Variants in FAF1 observed in about 807,000 individuals in gnomAD.
The protein encoded by FAF1 is Fas associated factor 1, also known as FAS-associated factor 1.
Under a neutral mutation model 92.5 loss-of-function variants are expected in FAF1, and 25 were observed. The observed-to-expected ratio is 0.27, with a 90% CI of 0.20 to 0.38. The LOEUF is 0.38. Ranked by LOEUF, FAF1 falls within the 10% of genes least tolerant of loss-of-function variation. FAF1 has a pLI of 1.00. For synonymous variants in FAF1, 234 were observed against 273.2 expected (o/e 0.86, Z 1.42); for missense variants, 636 against 793.3 (o/e 0.80, Z 2.38).
chr1:50,910,075 T>G (rs1644872417), intron 1 of FAF1, among the ~76,000 whole-genome samples: 1 of 152,234 alleles, frequency 6.6e-6, no homozygotes. Context: ...TGGATGTCCT[T>G]TCTGTTTGTT....
chr1:50,528,900 C>T (rs1240498352), intron 15 of FAF1, among the ~76,000 whole-genome samples: 1 of 152,154 alleles, frequency 6.6e-6, no homozygotes, highest in Non-Finnish European at 1.5e-5. Context: ...AATGAAGAGG[C>T]AATACATTTC....
chr1:50,545,360 C>T (rs756967477), intron 13 of FAF1, among the ~76,000 whole-genome samples: 26 of 152,172 alleles, frequency 1.7e-4, no homozygotes, highest in African/African-American at 4.8e-4. Flanking sequence ...CTGCAACCTC[C>T]GCCTCCCGAG....
intron 12 of FAF1, among the ~76,000 whole-genome samples, chr1:50,572,574 A>T (rs1260880609): frequency 6.6e-6 from 1 of 152,242 alleles, no homozygotes; most frequent in Non-Finnish European, 1.5e-5. Flanking sequence ...TCATGACTCA[A>T]GATAAGTGCA....
At chr1:50,745,468 T>C (rs1289327266) in intron 4 of FAF1, among the ~76,000 whole-genome samples, 1 of 152,172 alleles carries the variant, frequency 6.6e-6, no homozygotes, top group Non-Finnish European at 1.5e-5. Flanking sequence ...AAATTGTAAT[T>C]CCCAGTGTTG....
At chr1:50,750,663 G>A (rs1245309199) in intron 4 of FAF1, among the ~76,000 whole-genome samples, 1 of 134,910 alleles carries the variant, frequency 7.4e-6, no homozygotes, top group Non-Finnish European at 1.6e-5. Flanking sequence ...TCTCTCTGTT[G>A]CCCAGGCTGG....
chr1:50,795,859 A>G (rs1353257865), intron 3 of FAF1, among the ~76,000 whole-genome samples: 1 of 152,192 alleles, frequency 6.6e-6, no homozygotes, highest in Non-Finnish European at 1.5e-5. Flanking sequence ...AGTACCGGAT[A>G]GAGTGACTGG....
intron 5 of FAF1, among the ~76,000 whole-genome samples, chr1:50,743,963 T>C (rs1242465348): frequency 6.6e-6 from 1 of 151,830 alleles, no homozygotes; most frequent in Non-Finnish European, 1.5e-5. Context: ...CCCAGCTACC[T>C]GGGAGGCAGA....
chr1:50,822,298 G>C (rs2124621254), intron 2 of FAF1, among the ~76,000 whole-genome samples: 1 of 152,214 alleles, frequency 6.6e-6, no homozygotes, highest in East Asian at 1.9e-4. Context: ...GACTGGTCCA[G>C]ACGAAATTAA....
chr1:50,754,618 C>T (rs1044558741), intron 4 of FAF1, among the ~76,000 whole-genome samples: 1 of 152,202 alleles, frequency 6.6e-6, no homozygotes, highest in Non-Finnish European at 1.5e-5. Context: ...TGTAATTAAG[C>T]ATTTGAACCA....
Position 50,491,806 on chromosome 1 carries a change from A to C in FAF1, c.1495-5T>G. Reference sequence around the variant, plus strand: ...TTCTCTGGCTTCACGTTCATCCTTAAAGAAAAAGATTCAAATATTTTTTGA... The same window carrying C: ...TTCTCTGGCTTCACGTTCATCCTTACAGAAAAAGATTCAAATATTTTTTGA... On this transcript the variant is annotated splice_polypyrimidine_tract_variant and splice_region_variant and intron_variant, in intron 15 of 18. Coordinates refer to ENST00000396153, the MANE Select transcript of FAF1 (RefSeq NM_007051.3). 1.9e-6 allele frequency: 3 copies of C among 1,600,862 alleles called. No individual in the cohort carries two copies. Among genetic ancestry groups the C allele is most frequent in the Non-Finnish European group, 2.6e-6 (3 of 1,174,916 alleles).
At chr1:50,614,034 T>C (rs1292838314) in intron 8 of FAF1, among the ~76,000 whole-genome samples, 2 of 151,698 alleles carry the variant, frequency 1.3e-5, no homozygotes, top group Admixed American at 6.6e-5. Flanking sequence ...GAGGTGGAGG[T>C]TGCAGTGAGT....
chr1:50,612,506 G>T (rs1652727499), intron 8 of FAF1: 1 of 985,160 alleles, frequency 1.0e-6, no homozygotes, highest in Non-Finnish European at 1.2e-6. Context: ...TATGCATGAA[G>T]GGTACCAACG....
At chr1:50,804,369 T>C (rs1461803671) in intron 2 of FAF1, among the ~76,000 whole-genome samples, 2 of 151,992 alleles carry the variant, frequency 1.3e-5, no homozygotes, top group Admixed American at 6.6e-5. Context: ...ATCTTCTTTG[T>C]TGAAGAAAAA....
chr1:50,841,614 G>A (rs1040327414), intron 2 of FAF1, among the ~76,000 whole-genome samples: 2 of 151,744 alleles, frequency 1.3e-5, no homozygotes, highest in Non-Finnish European at 2.9e-5. Context: ...GTAGCAAAAA[G>A]GAAGATAAAG....
At chr1:50,465,712 G>C (rs946929128) in intron 18 of FAF1, among the ~76,000 whole-genome samples, 2 of 152,100 alleles carry the variant, frequency 1.3e-5, no homozygotes, top group Admixed American at 1.3e-4. Flanking sequence ...GAGAGGGCAG[G>C]GAAGGAAGAC....
At chr1:50,595,309 CT>C (rs1651744321) in intron 9 of FAF1, among the ~76,000 whole-genome samples, 3 of 151,992 alleles carry the variant, frequency 2.0e-5, no homozygotes, top group African/African-American at 4.8e-5. Context: ...TCACCTTGGC[CT>C]CTCAAAGTGC....
rs573681958 is a variant in FAF1 at position 50,758,955 on chromosome 1, G to C, written c.368-14180C>G. 7.2e-5 allele frequency among the ~76,000 whole-genome samples: 11 copies of C among 152,022 alleles called. No individual in the cohort carries two copies. The South Asian group carries it at 2.3e-3, about 32-fold the overall frequency. On this transcript the variant is annotated intron_variant, in intron 4 of 18. Coordinates refer to ENST00000396153, the MANE Select transcript of FAF1 (RefSeq NM_007051.3). ...CCTCGTAGGTTCACACCATTCTCCTGCCTCAGCCTTCCGAGTAGCTGGGAC... is the reference window on the plus strand; with the variant it reads ...CCTCGTAGGTTCACACCATTCTCCTCCCTCAGCCTTCCGAGTAGCTGGGAC...
chr1:50,769,127 AC>A (rs1254724790), intron 4 of FAF1, among the ~76,000 whole-genome samples: 1 of 152,090 alleles, frequency 6.6e-6, no homozygotes, highest in African/African-American at 2.4e-5. Context: ...TTACCACCAA[AC>A]CCACAGAAAT....
intron 1 of FAF1, among the ~76,000 whole-genome samples, chr1:50,864,349 A>T (rs1183852545): frequency 1.3e-5 from 2 of 151,328 alleles, no homozygotes; most frequent in African/African-American, 2.4e-5. Context: ...TTAGTGCTAT[A>T]AATTTCCCTC....
Sources: gnomAD v4.1 joint callset for allele counts (sites outside exome capture counted in the v4.1 genomes callset) on GRCh38, gnomAD v4.1.1 for gene constraint, MANE v1.5 for transcripts, NCBI Gene and HGNC (gene_info 2026-07-23, HGNC 2026-07-21) for gene names.